Variants in ANAPC10 observed in about 807,000 individuals in gnomAD.
ANAPC10 encodes anaphase-promoting complex subunit 10.
In ANAPC10, 12 loss-of-function variants were observed where a neutral mutation model predicts 22.0. The observed-to-expected ratio is 0.55, with a 90% CI of 0.35 to 0.88. ANAPC10 has a LOEUF of 0.88. Among genes scored for constraint, ANAPC10 ranks in the 40% least tolerant of loss-of-function variants. The probability of loss-of-function intolerance (pLI) is 0.01; values close to 1 mark genes in which losing one functional copy is unlikely to be tolerated. For missense variants in ANAPC10, 188 were observed against 220.9 expected, an observed-to-expected ratio of 0.85 and a Z score of 0.94; for synonymous variants, 65 against 69.5, an observed-to-expected ratio of 0.94 and a Z score of 0.32.
At chr4:145,038,853 T>G (rs1390278631) in intron 4 of ANAPC10, among the ~76,000 whole-genome samples, 1 of 7,506 alleles carries the variant, frequency 1.3e-4, no homozygotes, top group African/African-American at 6.4e-4. Context: ...AAAAAAAGGC[T>G]AACTAAGGCA....
chr4:145,010,856 A>G (rs1734190905), intron 4 of ANAPC10, among the ~76,000 whole-genome samples: 1 of 152,108 alleles, frequency 6.6e-6, no homozygotes, highest in Non-Finnish European at 1.5e-5. Context: ...TTGATCTTTA[A>G]CCAATAAAAG....
At chr4:144,998,581 C>T (rs1317483234) in intron 4 of ANAPC10, among the ~76,000 whole-genome samples, 1 of 152,098 alleles carries the variant, frequency 6.6e-6, no homozygotes, top group Non-Finnish European at 1.5e-5. Flanking sequence ...AGAACAAAGA[C>T]ACAACATACC....
chr4:145,097,476 G>A (rs1467450859), intron 1 of ANAPC10: 3 of 1,286,830 alleles, frequency 2.3e-6, no homozygotes, highest in Non-Finnish European at 3.0e-6. Context: ...TTCAAAATAG[G>A]TGCAATAGTT....
intron 4 of ANAPC10, among the ~76,000 whole-genome samples, chr4:145,028,958 G>A (rs1737136845): frequency 6.6e-6 from 1 of 152,136 alleles, no homozygotes; most frequent in Non-Finnish European, 1.5e-5. Flanking sequence ...CTTAACTCCT[G>A]TAGAGAAAAA....
intron 3 of ANAPC10, among the ~76,000 whole-genome samples, chr4:145,075,686 G>T (rs144460093): frequency 1.3e-5 from 2 of 152,154 alleles, no homozygotes; most frequent in South Asian, 2.1e-4. Flanking sequence ...GTGTGGAGTA[G>T]TCCACTCTCA....
chr4:145,059,156 T>C (rs1179333698), intron 4 of ANAPC10, among the ~76,000 whole-genome samples: 1 of 152,148 alleles, frequency 6.6e-6, no homozygotes, highest in African/African-American at 2.4e-5. Context: ...CAAATATAAG[T>C]AGATTTTGGG....
chr4:145,046,663 T>A (rs960526403), intron 4 of ANAPC10, among the ~76,000 whole-genome samples: 1 of 152,062 alleles, frequency 6.6e-6, no homozygotes, highest in Admixed American at 6.6e-5. Flanking sequence ...AATCTGTATA[T>A]CTACTCGAAT....
chr4:145,089,731 G>A (rs1046315522), intron 2 of ANAPC10, among the ~76,000 whole-genome samples: 1 of 152,164 alleles, frequency 6.6e-6, no homozygotes, highest in African/African-American at 2.4e-5. Context: ...TAGCAGGCAA[G>A]TAAATCTGTA....
chr4:145,034,645 C>T (rs941872346), intron 4 of ANAPC10, among the ~76,000 whole-genome samples: 10 of 149,152 alleles, frequency 6.7e-5, no homozygotes. Flanking sequence ...ATCCTATATA[C>T]AGGATAAAAA....
At chr4:145,025,555 T>C (rs952402940) in intron 4 of ANAPC10, among the ~76,000 whole-genome samples, 7 of 151,982 alleles carry the variant, frequency 4.6e-5, no homozygotes, top group Non-Finnish European at 8.8e-5. Flanking sequence ...CAGTTATCGA[T>C]TGGGTTTGCC....
intron 4 of ANAPC10, among the ~76,000 whole-genome samples, chr4:145,037,764 TG>T (rs1388728410): frequency 1.3e-5 from 2 of 151,952 alleles, no homozygotes; most frequent in Non-Finnish European, 2.9e-5. Flanking sequence ...CTGGCCAATA[TG>T]GCAAAACCCT....
In ANAPC10 at chr4:144,995,310, ATATAT is replaced by A; in HGVS notation, c.*58_*62del. 1 of 1,036,624 alleles carries A rather than the reference ATATAT, an allele frequency of 9.6e-7. No homozygotes were observed. Among genetic ancestry groups the A allele is most frequent in the Non-Finnish European group, 1.4e-6 (1 of 693,822 alleles). The allele number at this position is 1,036,624 out of a possible 1,614,324, so 64.2% of individuals were successfully genotyped here. ...ATGCCTTGTTCAATAAAGGTACATG[ATATAT>A]TATTTAAATACAGGATAAAACAAAG... On this transcript the variant is annotated 3_prime_UTR_variant, in exon 5 of 5. Coordinates refer to ENST00000507656, the MANE Select transcript of ANAPC10 (RefSeq NM_001256706.2).
At chr4:145,044,067 T>C (rs1002524028) in intron 4 of ANAPC10, among the ~76,000 whole-genome samples, 1 of 152,092 alleles carries the variant, frequency 6.6e-6, no homozygotes. Context: ...ACTTTCCCCC[T>C]TCCTCCTGCA....
intron 4 of ANAPC10, among the ~76,000 whole-genome samples, chr4:145,017,693 C>CA (rs1455300024): frequency 1.3e-5 from 2 of 152,098 alleles, no homozygotes; most frequent in Non-Finnish European, 2.9e-5. Context: ...CAGCACTACT[C>CA]ACAATAGCAA....
chr4:145,011,088 T>G (rs1192575643), intron 4 of ANAPC10, among the ~76,000 whole-genome samples: 5 of 151,860 alleles, frequency 3.3e-5, no homozygotes, highest in Non-Finnish European at 7.4e-5. Context: ...TCCCAGCACT[T>G]TTGGAGGCCG....
At chr4:145,027,636 T>C (rs1026146444) in intron 4 of ANAPC10, among the ~76,000 whole-genome samples, 6 of 152,178 alleles carry the variant, frequency 3.9e-5, no homozygotes, top group African/African-American at 1.4e-4. Flanking sequence ...ATAGATCACA[T>C]GCAAAGCATC....
At chr4:145,072,647 C>T (rs1442306097) in intron 3 of ANAPC10, among the ~76,000 whole-genome samples, 1 of 152,050 alleles carries the variant, frequency 6.6e-6, no homozygotes, top group Non-Finnish European at 1.5e-5. Flanking sequence ...AAAATCTACC[C>T]AATAGAGGTA....
chr4:145,094,356 T>G (rs1579184920), intron 2 of ANAPC10, among the ~76,000 whole-genome samples: 1 of 152,128 alleles, frequency 6.6e-6, no homozygotes, highest in African/African-American at 2.4e-5. Flanking sequence ...TAAAGAGACA[T>G]GAGGGAACTT....
intron 4 of ANAPC10, among the ~76,000 whole-genome samples, chr4:145,050,605 A>G (rs985890085): frequency 6.6e-6 from 1 of 152,174 alleles, no homozygotes; most frequent in African/African-American, 2.4e-5. Context: ...TGCTTGGTGT[A>G]TCTACCCTCA....
Sources: gnomAD v4.1 joint callset for allele counts (sites outside exome capture counted in the v4.1 genomes callset) on GRCh38, gnomAD v4.1.1 for gene constraint, MANE v1.5 for transcripts, NCBI Gene and HGNC (gene_info 2026-07-23, HGNC 2026-07-21) for gene names.